The following NALF1 variants were observed in gnomAD, a reference collection of about 807,000 sequenced individuals.
NALF1 encodes NALCN channel auxiliary factor 1, also known as family with sequence similarity 155 member A.
A neutral mutation model predicts 48.4 loss-of-function variants in NALF1; 3 were observed. That is an observed-to-expected ratio of 0.06 (90% CI 0.03 to 0.16). The LOEUF (loss-of-function observed/expected upper bound fraction) is 0.16, where lower values mean the gene tolerates loss of function less well. NALF1 is among the 10% of genes least tolerant of loss of function. The pLI is 1.00. For synonymous variants in NALF1, 262 were observed against 245.7 expected, an observed-to-expected ratio of 1.07 and a Z score of -0.62; for missense variants, 526 against 571.5, an observed-to-expected ratio of 0.92 and a Z score of 0.81.
chr13:107,665,727 A>C (rs2138481162), intron 1 of NALF1, among the ~76,000 whole-genome samples: 1 of 152,270 alleles, frequency 6.6e-6, no homozygotes, highest in South Asian at 2.1e-4. Flanking sequence ...GAAATAAAAG[A>C]AAAATATACA....
intron 1 of NALF1, among the ~76,000 whole-genome samples, chr13:107,734,410 AC>A (rs1428524572): frequency 4.3e-5 from 6 of 140,348 alleles, no homozygotes; most frequent in Non-Finnish European, 3.2e-5. Flanking sequence ...TTAAAAAAAA[AC>A]ACACACACAC....
At chr13:107,266,802 C>G (rs1449524234) in intron 1 of NALF1, among the ~76,000 whole-genome samples, 1 of 152,160 alleles carries the variant, frequency 6.6e-6, no homozygotes, top group Non-Finnish European at 1.5e-5. Flanking sequence ...GTCTATTGCT[C>G]AATAATACTG....
chr13:107,623,560 A>G (rs1879589005), intron 1 of NALF1, among the ~76,000 whole-genome samples: 1 of 152,196 alleles, frequency 6.6e-6, no homozygotes, highest in South Asian at 2.1e-4. Flanking sequence ...TATGAAATAT[A>G]AGTAAATGTG....
intron 1 of NALF1, among the ~76,000 whole-genome samples, chr13:107,839,571 G>T (rs548671932): frequency 6.6e-6 from 1 of 151,394 alleles, no homozygotes; most frequent in East Asian, 2.0e-4. Flanking sequence ...CACCTGTGAG[G>T]AAATTAAAGG....
intron 1 of NALF1, among the ~76,000 whole-genome samples, chr13:107,354,868 A>C (rs1882935411): frequency 6.6e-6 from 1 of 152,200 alleles, no homozygotes; most frequent in Admixed American, 6.5e-5. Flanking sequence ...CATGAGGTCC[A>C]GCAGCAACTG....
Position 107,362,538 on chromosome 13 carries a change from G to A in NALF1, c.916-151783C>T, listed in dbSNP as rs971628757. ...CATTCTCCTGTGTGTCCTCGTCGCG[G>A]GGCATTCTCCTCTCCTTATATCAGA... On this transcript the variant is annotated intron_variant, in intron 1 of 2. Transcript: ENST00000375915. The surrounding 1 kb of genome is among the most constrained non-coding windows in gnomAD (Gnocchi z 4.6). Among the ~76,000 whole-genome samples, 1 of 152,018 alleles carries A rather than the reference G, an allele frequency of 6.6e-6. No individual in the cohort carries two copies. The highest frequency in any genetic ancestry group is 2.4e-5 in the African/African-American group (1 of 41,384).
chr13:107,772,786 C>G (rs575778190), intron 1 of NALF1, among the ~76,000 whole-genome samples: 1 of 152,076 alleles, frequency 6.6e-6, no homozygotes, highest in Non-Finnish European at 1.5e-5. Flanking sequence ...GCTTAGGTTC[C>G]TATGTGAGAG....
At chr13:107,837,215 A>C (rs1038936936) in intron 1 of NALF1, among the ~76,000 whole-genome samples, 1 of 152,222 alleles carries the variant, frequency 6.6e-6, no homozygotes, top group African/African-American at 2.4e-5. Context: ...AGGATGCTCT[A>C]TACAGTGTAA....
chr13:107,633,867 T>G (rs1879902565), intron 1 of NALF1, among the ~76,000 whole-genome samples: 1 of 144,736 alleles, frequency 6.9e-6, no homozygotes, highest in Non-Finnish European at 1.5e-5. Flanking sequence ...TATATGTGTG[T>G]GTATGTGTGT....
Position 107,691,064 on chromosome 13 carries a change from G to A in NALF1, c.915+174618C>T, listed in dbSNP as rs555774683. Among the ~76,000 whole-genome samples the A allele has an allele frequency of 9.8e-5, 15 of 152,318 alleles. No homozygotes were observed. The South Asian group carries it at 2.9e-3, about 29-fold the overall frequency. ...GGTACGATAAGGTCACACTGGAACA[G>A]GGTGGTCTTCTAATCCTTTATAACC... On this transcript the variant is annotated intron_variant, in intron 1 of 2. Coordinates refer to ENST00000375915, the MANE Select transcript of NALF1 (RefSeq NM_001080396.3).
At chr13:107,447,593 C>T (rs759638902) in intron 1 of NALF1, among the ~76,000 whole-genome samples, 1 of 152,122 alleles carries the variant, frequency 6.6e-6, no homozygotes, top group African/African-American at 2.4e-5. Flanking sequence ...CTTTTTACAG[C>T]TCTTTCAGGG....
At chr13:107,480,162 C>A (rs921805483) in intron 1 of NALF1, among the ~76,000 whole-genome samples, 8 of 152,082 alleles carry the variant, frequency 5.3e-5, no homozygotes, top group African/African-American at 1.9e-4. Context: ...TTTTTAAGCA[C>A]CGTTTCTGCT....
At chr13:107,420,386 ATAAT>A (rs1442176342) in intron 1 of NALF1, among the ~76,000 whole-genome samples, 2 of 152,214 alleles carry the variant, frequency 1.3e-5, no homozygotes, top group Admixed American at 1.3e-4. Context: ...AACTAATAAA[ATAAT>A]AATTATGTTA....
intron 1 of NALF1, among the ~76,000 whole-genome samples, chr13:107,407,234 C>T (rs1883914660): frequency 2.0e-5 from 3 of 151,840 alleles, no homozygotes; most frequent in Admixed American, 2.0e-4. Context: ...CCCGCAAGCA[C>T]AAGTAACAAA....
chr13:107,430,563 CCT>C (rs1433013858), intron 1 of NALF1, among the ~76,000 whole-genome samples: 3 of 152,036 alleles, frequency 2.0e-5, no homozygotes, highest in Non-Finnish European at 4.4e-5. Flanking sequence ...GGTTTTTTGT[CCT>C]TGCGATAGTT....
chr13:107,628,475 T>G (rs1879744752), intron 1 of NALF1, among the ~76,000 whole-genome samples: 1 of 152,260 alleles, frequency 6.6e-6, no homozygotes. Flanking sequence ...GAGGCTCAGT[T>G]GGAAACTGAG....
chr13:107,173,074 A>C (rs1467111541), intron 2 of NALF1, among the ~76,000 whole-genome samples: 1 of 152,226 alleles, frequency 6.6e-6, no homozygotes, highest in Non-Finnish European at 1.5e-5. Flanking sequence ...AAATAACAAA[A>C]AAAATCCTCC....
At chr13:107,557,721 A>G (rs1877521344) in intron 1 of NALF1, among the ~76,000 whole-genome samples, 1 of 152,156 alleles carries the variant, frequency 6.6e-6, no homozygotes, top group Non-Finnish European at 1.5e-5. Context: ...TGGTTTACCT[A>G]AAGCACAAAA....
chr13:107,298,248 GC>G (rs1331461287), intron 1 of NALF1, among the ~76,000 whole-genome samples: 2 of 148,956 alleles, frequency 1.3e-5, no homozygotes, highest in Non-Finnish European at 3.0e-5. Flanking sequence ...TACTAGGGAG[GC>G]TGAGGCAGGA....
Sources: gnomAD v4.1 joint callset for allele counts (sites outside exome capture counted in the v4.1 genomes callset) on GRCh38, gnomAD v4.1.1 for gene constraint, Gnocchi (gnomAD v3.1) non-coding constraint, MANE v1.5 for transcripts, NCBI Gene and HGNC (gene_info 2026-07-23, HGNC 2026-07-21) for gene names.